Variants in TLK1 observed in about 807,000 individuals in gnomAD.
TLK1 encodes serine/threonine-protein kinase tousled-like 1.
TLK1 carries 24 observed loss-of-function variants against 105.3 expected under a neutral mutation model. That is an observed-to-expected ratio of 0.23 (90% CI 0.17 to 0.32). TLK1 has a LOEUF of 0.32. Ranked by LOEUF, TLK1 falls within the 10% of genes least tolerant of loss-of-function variation. The pLI is 1.00. For synonymous variants in TLK1, 321 were observed against 310.4 expected, an observed-to-expected ratio of 1.03 and a Z score of -0.36; for missense variants, 558 against 910.5, an observed-to-expected ratio of 0.61 and a Z score of 4.98.
At chr2:171,046,123 A>G in intron 11 of TLK1, 51 bp downstream of exon 11, 1 of 1,427,710 alleles carries the variant, frequency 7.0e-7, no homozygotes, top group East Asian at 2.4e-5. Flanking sequence ...AGTAACATTC[A>G]CGCTCACTGG....
chr2:171,019,231 G>A (rs909685566), intron 12 of TLK1, among the ~76,000 whole-genome samples: 4 of 152,082 alleles, frequency 2.6e-5, no homozygotes, highest in African/African-American at 9.7e-5. Flanking sequence ...GTCTCTTATG[G>A]CAACATAATA....
chr2:171,171,475 A>G (rs1248234839), intron 1 of TLK1, among the ~76,000 whole-genome samples: 1 of 151,288 alleles, frequency 6.6e-6, no homozygotes. Flanking sequence ...TCTGGGCAAA[A>G]TAGGAGACTC....
chr2:171,216,471 G>A (rs575547196), intron 1 of TLK1, among the ~76,000 whole-genome samples: 153 of 152,160 alleles, frequency 1.0e-3, no homozygotes, highest in Middle Eastern at 3.4e-3. Flanking sequence ...GCAAGACTCC[G>A]TCTCAAAAAC....
At position 171,174,854 on chromosome 2, in the gene TLK1, G is replaced by A. The variant is rs142799393; in HGVS notation, c.-6+56291C>T. Among the ~76,000 whole-genome samples, 556 of 151,390 alleles carry A rather than the reference G, an allele frequency of 3.7e-3. 6 individuals are homozygous for A. The highest frequency in any genetic ancestry group is 0.012 in the African/African-American group (514 of 41,282). The stretch of plus-strand genomic sequence containing the variant: ...TTAGATTCACCATCTTTTTTTTTAA[G>A]GGAGATTTAGAATATAACTTTTAGT... On this transcript the variant is annotated intron_variant, in intron 1 of 20. Coordinates refer to the TLK1 transcript ENST00000521943.
At chr2:171,217,197 C>T (rs570527158) in intron 1 of TLK1, among the ~76,000 whole-genome samples, 9 of 152,266 alleles carry the variant, frequency 5.9e-5, no homozygotes, top group African/African-American at 2.2e-4. Flanking sequence ...ATTATAGATG[C>T]TTAATAAGTG....
chr2:171,023,816 C>A (rs944765350), intron 12 of TLK1, among the ~76,000 whole-genome samples: 13 of 152,164 alleles, frequency 8.5e-5, no homozygotes, highest in African/African-American at 3.1e-4. Flanking sequence ...CAAATCCACA[C>A]CATCTTCTTC....
At chr2:171,025,672 T>C (rs895183100) in intron 12 of TLK1, among the ~76,000 whole-genome samples, 4 of 152,210 alleles carry the variant, frequency 2.6e-5, no homozygotes, top group African/African-American at 9.6e-5. Flanking sequence ...TGATAACATC[T>C]TTTCTTTTGA....
chr2:171,006,086 A>G, intron 18 of TLK1, 61 bp downstream of exon 18: 4 of 1,430,106 alleles, frequency 2.8e-6, no homozygotes, highest in Non-Finnish European at 3.7e-6. Context: ...AAAACACTAA[A>G]TTATTATAAA....
chr2:171,093,659 T>TAAA (rs34086607), intron 2 of TLK1, among the ~76,000 whole-genome samples: 3 of 147,664 alleles, frequency 2.0e-5, no homozygotes, highest in Non-Finnish European at 4.5e-5. Context: ...GTGAAACCAT[T>TAAA]AAAAAAAAAA....
chr2:171,136,601 G>A (rs1691337276), intron 1 of TLK1, among the ~76,000 whole-genome samples: 1 of 151,926 alleles, frequency 6.6e-6, no homozygotes, highest in South Asian at 2.1e-4. Context: ...AGGCTAAGAT[G>A]GTACATTTTA....
intron 1 of TLK1, among the ~76,000 whole-genome samples, chr2:171,174,396 C>T (rs1307363522): frequency 6.6e-6 from 1 of 152,172 alleles, no homozygotes; most frequent in Non-Finnish European, 1.5e-5. Context: ...TGGGGAATCA[C>T]ATTGTTATAT....
At chr2:171,021,651 G>A (rs939148416) in intron 12 of TLK1, among the ~76,000 whole-genome samples, 3 of 152,110 alleles carry the variant, frequency 2.0e-5, no homozygotes, top group Admixed American at 1.3e-4. Context: ...AGGGCTGGTA[G>A]CCAAGCAACT....
intron 1 of TLK1, among the ~76,000 whole-genome samples, chr2:171,216,593 T>C (rs975277189): frequency 5.9e-5 from 9 of 152,214 alleles, no homozygotes; most frequent in African/African-American, 2.2e-4. Context: ...ATGGGTTGAA[T>C]TGTGTCCCTC....
At chr2:171,179,813 G>T (rs1228987152) in intron 1 of TLK1, among the ~76,000 whole-genome samples, 1 of 152,046 alleles carries the variant, frequency 6.6e-6, no homozygotes, top group Non-Finnish European at 1.5e-5. Context: ...CAAAAATTAG[G>T]CCGGGCATGG....
At chr2:171,167,931 G>C (rs374581362) in intron 1 of TLK1, among the ~76,000 whole-genome samples, 3 of 151,664 alleles carry the variant, frequency 2.0e-5, no homozygotes, top group East Asian at 1.9e-4. Flanking sequence ...TAACAAAGCA[G>C]GCAACTTTGA....
intron 1 of TLK1, among the ~76,000 whole-genome samples, chr2:171,225,947 T>G (rs547710288): frequency 6.6e-6 from 1 of 152,324 alleles, no homozygotes; most frequent in South Asian, 2.1e-4. Context: ...GAACTATCAG[T>G]AGACAGAGCT....
intron 10 of TLK1, among the ~76,000 whole-genome samples, chr2:171,048,272 A>G (rs1178582364): frequency 1.3e-5 from 2 of 152,230 alleles, no homozygotes; most frequent in Non-Finnish European, 2.9e-5. Flanking sequence ...AGTTAAGAGG[A>G]GAAATTGGAA....
intron 1 of TLK1, among the ~76,000 whole-genome samples, chr2:171,177,296 C>T (rs778543014): frequency 6.6e-6 from 1 of 151,960 alleles, no homozygotes; most frequent in Non-Finnish European, 1.5e-5. Flanking sequence ...CACACACCAC[C>T]ATGCCTGGCT....
intron 1 of TLK1, among the ~76,000 whole-genome samples, chr2:171,227,794 A>C (rs1693929935): frequency 6.6e-6 from 1 of 152,026 alleles, no homozygotes; most frequent in Non-Finnish European, 1.5e-5. Context: ...AAAGAGTCTG[A>C]AAGCGCTTAC....
Sources: allele counts gnomAD v4.1 joint callset (sites outside exome capture counted in the v4.1 genomes callset), GRCh38; gene constraint gnomAD v4.1.1; transcripts MANE v1.5; gene names NCBI Gene and HGNC (gene_info 2026-07-23, HGNC 2026-07-21).